PLEKHA5: variants seen among roughly 807,000 people sequenced by gnomAD.
PLEKHA5 encodes pleckstrin homology domain containing A5, also known as pleckstrin homology domain-containing family A member 5.
PLEKHA5 carries 55 observed loss-of-function variants against 181.9 expected under a neutral mutation model. That is an observed-to-expected ratio of 0.30 (90% CI 0.24 to 0.38). The LOEUF is 0.38. PLEKHA5 is among the 10% of genes least tolerant of loss of function. The pLI is 1.00. For missense variants in PLEKHA5, 1,432 were observed against 1,549.5 expected (o/e 0.92, Z 1.27); for synonymous variants, 535 against 529.4 (o/e 1.01, Z -0.15).
intron 3 of PLEKHA5, among the ~76,000 whole-genome samples, chr12:19,203,088 T>C (rs1289290389): frequency 1.3e-5 from 2 of 152,078 alleles, no homozygotes; most frequent in African/African-American, 4.8e-5. Context: ...GTTTAAAGGA[T>C]ATATGTAATT....
At chr12:19,227,580 A>C (rs2059877548) in intron 3 of PLEKHA5, among the ~76,000 whole-genome samples, 1 of 152,178 alleles carries the variant, frequency 6.6e-6, no homozygotes, top group African/African-American at 2.4e-5. Context: ...AATGGCTCTC[A>C]TTATGTCCAG....
At chr12:19,272,582 T>G (rs2073229920) in intron 10 of PLEKHA5, among the ~76,000 whole-genome samples, 1 of 151,930 alleles carries the variant, frequency 6.6e-6, no homozygotes, top group Non-Finnish European at 1.5e-5. Context: ...TAAAAAAATT[T>G]AAAAATTAGC....
intron 3 of PLEKHA5, chr12:19,176,245 A>G (rs927744595): frequency 5.3e-5 from 6 of 113,162 alleles, no homozygotes; most frequent in African/African-American, 2.1e-4. Context: ...CTCTGTCTCT[A>G]TTATTTAAAA....
chr12:19,370,646 G>A (rs1028778250), intron 31 of PLEKHA5: 6 of 151,872 alleles, frequency 4.0e-5, no homozygotes, highest in African/African-American at 1.2e-4. Context: ...AACATATAGA[G>A]ACATTATAAG....
chr12:19,314,917 A>G (rs1201126145), intron 16 of PLEKHA5, 23 bp downstream of exon 16: 2 of 1,258,312 alleles, frequency 1.6e-6, no homozygotes, highest in East Asian at 2.5e-5. Flanking sequence ...ACAGTGAATG[A>G]TACTGCTTTA....
At chr12:19,302,777 A>G (rs1296648829) in intron 15 of PLEKHA5, among the ~76,000 whole-genome samples, 6 of 151,958 alleles carry the variant, frequency 3.9e-5, no homozygotes, top group Admixed American at 1.3e-4. Context: ...GTAGTTACAT[A>G]TATATATAAG....
chr12:19,287,687 A>C, intron 13 of PLEKHA5, 131 bp downstream of exon 13: 1 of 621,808 alleles, frequency 1.6e-6, no homozygotes, highest in South Asian at 2.1e-5. Flanking sequence ...GCTTTTGTGC[A>C]AGAGATGCTC....
chr12:19,228,582 C>G (rs1253919981), intron 3 of PLEKHA5, among the ~76,000 whole-genome samples: 2 of 152,134 alleles, frequency 1.3e-5, no homozygotes, highest in African/African-American at 4.8e-5. Flanking sequence ...TTATTAGACC[C>G]ATTCTAGAGA....
At chr12:19,250,857 C>T (rs1163328124) in intron 3 of PLEKHA5, among the ~76,000 whole-genome samples, 2 of 151,912 alleles carry the variant, frequency 1.3e-5, no homozygotes, top group African/African-American at 2.4e-5. Context: ...CTAAAAATCA[C>T]CTCTTCATGC....
intron 3 of PLEKHA5, among the ~76,000 whole-genome samples, chr12:19,227,116 A>G (rs1042499978): frequency 3.3e-5 from 5 of 152,122 alleles, no homozygotes; most frequent in African/African-American, 1.2e-4. Context: ...CAGTTTCTTA[A>G]TACACAGAAC....
chr12:19,294,166 T>C (rs2079172033), intron 15 of PLEKHA5, among the ~76,000 whole-genome samples: 1 of 152,178 alleles, frequency 6.6e-6, no homozygotes, highest in Non-Finnish European at 1.5e-5. Flanking sequence ...TGGTGGAGAC[T>C]GCCCAAAAAC....
chr12:19,164,927 TC>T (rs1421304697), intron 3 of PLEKHA5, among the ~76,000 whole-genome samples: 2 of 152,254 alleles, frequency 1.3e-5, no homozygotes, highest in African/African-American at 4.8e-5. Context: ...ACATTCTTCC[TC>T]CCTGCCGTTT....
chr12:19,208,641 A>C (rs1358135681), intron 3 of PLEKHA5, among the ~76,000 whole-genome samples: 1 of 152,162 alleles, frequency 6.6e-6, no homozygotes, highest in East Asian at 1.9e-4. Context: ...TTTAAATAGC[A>C]GTTTTCTTTG....
At position 19,224,563 on chromosome 12, in the gene PLEKHA5, A is replaced by T. The variant is rs530079530; in HGVS notation, c.228-29377A>T. On this transcript the variant is annotated intron_variant, in intron 3 of 31. Transcript: ENST00000429027. ...ATAGGGCCATATGAAAAATTTTTTTAAAAATTGTTGCATAAAATAAGTTTA... is the reference window on the plus strand; with the variant it reads ...ATAGGGCCATATGAAAAATTTTTTTTAAAATTGTTGCATAAAATAAGTTTA... 3.9e-5 allele frequency among the ~76,000 whole-genome samples: 6 copies of T among 152,282 alleles called. No homozygotes were observed. In the East Asian group the frequency reaches 5.8e-4, roughly 15 times the overall value.
At chr12:19,262,382 C>T (rs891305795) in intron 7 of PLEKHA5, among the ~76,000 whole-genome samples, 3 of 152,064 alleles carry the variant, frequency 2.0e-5, no homozygotes, top group African/African-American at 4.8e-5. Context: ...TACAGGCACG[C>T]GCCACCACAC....
chr12:19,218,325 G>A (rs922199970), intron 3 of PLEKHA5, among the ~76,000 whole-genome samples: 4 of 152,072 alleles, frequency 2.6e-5, no homozygotes, highest in Non-Finnish European at 4.4e-5. Flanking sequence ...TGAGAAAACG[G>A]AGTTATTTTT....
intron 26 of PLEKHA5, among the ~76,000 whole-genome samples, chr12:19,357,144 T>G (rs1239669374): frequency 6.6e-6 from 1 of 152,170 alleles, no homozygotes; most frequent in African/African-American, 2.4e-5. Context: ...CCTGCTTTTC[T>G]CCTCATTTGA....
chr12:19,357,315 G>C (rs1463161214), intron 26 of PLEKHA5, among the ~76,000 whole-genome samples: 1 of 143,084 alleles, frequency 7.0e-6, no homozygotes, highest in Non-Finnish European at 1.5e-5. Context: ...CACAATCTCA[G>C]TTCACTACAA....
chr12:19,205,624 T>C (rs1409975600), intron 3 of PLEKHA5, among the ~76,000 whole-genome samples: 2 of 152,130 alleles, frequency 1.3e-5, no homozygotes, highest in African/African-American at 4.8e-5. Context: ...TTCTGAAATA[T>C]TTCCAGTACA....
Sources: gnomAD v4.1 joint callset for allele counts (sites outside exome capture counted in the v4.1 genomes callset) on GRCh38, gnomAD v4.1.1 for gene constraint, MANE v1.5 for transcripts, NCBI Gene and HGNC (gene_info 2026-07-23, HGNC 2026-07-21) for gene names.